The following HCLS1 variants were observed in gnomAD, a reference collection of about 807,000 sequenced individuals.
HCLS1 encodes the protein hematopoietic lineage cell-specific protein.
In HCLS1, 44 loss-of-function variants were observed where a neutral mutation model predicts 68.6. The ratio of observed to expected loss-of-function variants is 0.64; its 90% confidence interval spans 0.50 to 0.82. The LOEUF is 0.82. HCLS1 is among the 40% of genes least tolerant of loss of function. HCLS1 has a pLI of 0.00. For missense variants in HCLS1, 602 were observed against 612.1 expected, an observed-to-expected ratio of 0.98 and a Z score of 0.17; for synonymous variants, 217 against 225.8, an observed-to-expected ratio of 0.96 and a Z score of 0.35.
chr3:121,634,353 C>T lies in HCLS1; in HGVS notation c.757G>A (p.Glu253Lys), dbSNP rs1271435777. The T allele has an allele frequency of 1.2e-6, 2 of 1,614,174 alleles. No individual in the cohort carries two copies. The highest frequency in any genetic ancestry group is 1.7e-5 in the Admixed American group (1 of 60,030). ...ACCTGCTGTGCCTTCTCCTCTTCCT[C>T]TCGCTTCCTCTTCTCCTCAGCCATG... ...ESMAEEKRKR[E>K]EEEKAQQVAR... Residue 253 changes from glutamate (E) to lysine (K), a missense_variant, in exon 10 of 14, where the codon GAG (glutamate) becomes AAG (lysine). Coordinates refer to ENST00000314583, the MANE Select transcript of HCLS1 (RefSeq NM_005335.6).
intron 4 of HCLS1, 48 bp downstream of exon 4, chr3:121,647,271 G>A (rs778822064): frequency 1.4e-5 from 23 of 1,600,944 alleles, no homozygotes; most frequent in Middle Eastern, 3.3e-4. Flanking sequence ...GTGAGCCACC[G>A]CACCCGGCTT....
At chr3:121,641,155 A>G (rs2107465484) in intron 6 of HCLS1, among the ~76,000 whole-genome samples, 1 of 152,276 alleles carries the variant, frequency 6.6e-6, no homozygotes, top group East Asian at 1.9e-4. Context: ...ACATTCAGAC[A>G]CACCCTAATA....
In HCLS1 at chr3:121,637,179, TG is replaced by T. The variant is rs2049157580; in HGVS notation, c.531del (p.Tyr177Ter). On this transcript the variant is annotated frameshift_variant, in exon 7 of 14. Coordinates refer to ENST00000314583, the MANE Select transcript of HCLS1 (RefSeq NM_005335.6). LOFTEE classifies it high-confidence loss of function. ...KWDKAALGYD[Y>X]KGETEKHESQ... ...GACTCGTGTTTCTCCGTCTCTCCCT[TG>T]TAGTCATATCCCAGAGCTGCTTTGT... The T allele has an allele frequency of 6.2e-7, 1 of 1,613,668 alleles. No individual in the cohort carries two copies. The highest frequency in any genetic ancestry group is 1.1e-5 in the South Asian group (1 of 91,048).
chr3:121,634,316 T>A lies in HCLS1; in HGVS notation c.794A>T (p.Gln265Leu). Reference sequence around the variant, plus strand: ...CTTTGTCACAGCCTTTCGCTCCTGTTGCCTCCTGGCCACCTGCTGTGCCTT... The same window carrying A: ...CTTTGTCACAGCCTTTCGCTCCTGTAGCCTCCTGGCCACCTGCTGTGCCTT... ...EEKAQQVARR[Q>L]QERKAVTKRS... The change falls in exon 10 of 14, where the codon CAA becomes CTA. Residue 265 changes from glutamine (Q) to leucine (L), a missense_variant. Transcript: ENST00000314583. The A allele has an allele frequency of 6.2e-7, 1 of 1,614,192 alleles. No individual in the cohort carries two copies.
At chr3:121,637,596 A>G (rs373343888) in intron 6 of HCLS1, among the ~76,000 whole-genome samples, 1 of 152,134 alleles carries the variant, frequency 6.6e-6, no homozygotes, top group African/African-American at 2.4e-5. Context: ...CTACTCCCAT[A>G]TAAGCACATA....
intron 11 of HCLS1, among the ~76,000 whole-genome samples, 182 bp from the exon 12 acceptor site, chr3:121,632,745 C>T (rs1271159265): frequency 2.0e-5 from 3 of 151,750 alleles, no homozygotes; most frequent in Non-Finnish European, 2.9e-5. Context: ...TCTCCTCCCA[C>T]ACCCACCCAC....
chr3:121,648,312 A>G lies in HCLS1; in HGVS notation c.159-864T>C, dbSNP rs148967407. Among the ~76,000 whole-genome samples the G allele has an allele frequency of 2.4e-3, 362 of 152,316 alleles. 6 individuals are homozygous for G. Among genetic ancestry groups the G allele is most frequent in the East Asian group, 1.9e-3 (10 of 5,190 alleles). On this transcript the variant is annotated intron_variant, in intron 3 of 13. Coordinates refer to ENST00000314583, the MANE Select transcript of HCLS1 (RefSeq NM_005335.6). ...AGAAAGTACCACCAAAAAAGGCATTATCTTTCTTACTTCACACCCACTTCC... is the reference window on the plus strand; with the variant it reads ...AGAAAGTACCACCAAAAAAGGCATTGTCTTTCTTACTTCACACCCACTTCC...
In HCLS1 at chr3:121,644,855, C is replaced by T. The variant is rs1283882757; in HGVS notation, c.362G>A (p.Gly121Glu). Residue 121 changes from glycine (G) to glutamate (E), a missense_variant, in exon 5 of 14, where the codon GGG becomes GAG. Gly to Glu is a moderately conservative substitution (Grantham distance 98). Coordinates refer to ENST00000314583, the MANE Select transcript of HCLS1 (RefSeq NM_005335.6). ...SSQTDAAKGFGGKYGVERDRA... is the reference protein window; with the variant it reads ...SSQTDAAKGFEGKYGVERDRA... ...GTCCCTCTCAACTCCGTACTTGCCC[C>T]CAAAGCCTTTGGCAGCATCCGTCTG... 1.2e-6 allele frequency: 2 copies of T among 1,614,120 alleles called. No individual in the cohort carries two copies. Among genetic ancestry groups the T allele is most frequent in the Non-Finnish European group, 1.7e-6 (2 of 1,180,012 alleles).
chr3:121,632,454 T>C lies in HCLS1; in HGVS notation c.1118A>G (p.Glu373Gly). ...AACGTCCTCATAGTCATTCTCAGGC[T>C]CGGGCTCAGGCTCGGGCTCAGGCTC... is the stretch of plus-strand genomic sequence containing the variant. ...EPEPEPEPEPEPENDYEDVEE... is the reference protein window; with the variant it reads ...EPEPEPEPEPGPENDYEDVEE... Residue 373 changes from glutamate to glycine, a missense_variant, in exon 12 of 14, where the codon GAG (glutamate) becomes GGG (glycine). Glu to Gly is a moderately conservative substitution (Grantham distance 98, BLOSUM62 -2). Transcript: ENST00000314583. 6.2e-7 allele frequency: 1 copy of C among 1,612,828 alleles called. No homozygotes were observed. Among genetic ancestry groups the C allele is most frequent in the Non-Finnish European group, 8.5e-7 (1 of 1,179,102 alleles).
intron 5 of HCLS1, 98 bp from the exon 6 acceptor site, chr3:121,643,079 G>T: frequency 1.1e-6 from 1 of 920,588 alleles, no homozygotes; most frequent in Non-Finnish European, 1.8e-6. Flanking sequence ...GAGGTAGTTT[G>T]TAGGGGCTTC....
chr3:121,634,305 T>G lies in HCLS1; in HGVS notation c.805A>C (p.Lys269Gln), dbSNP rs142437444. Residue 269 changes from lysine to glutamine, a missense_variant, in exon 10 of 14, where the codon AAG becomes CAG. Coordinates refer to ENST00000314583, the MANE Select transcript of HCLS1 (RefSeq NM_005335.6). ...TCAGGGCTCCTCTTTGTCACAGCCT[T>G]TCGCTCCTGTTGCCTCCTGGCCACC... is the stretch of plus-strand genomic sequence containing the variant. ...QQVARRQQERKAVTKRSPEAP... is the reference protein window; with the variant it reads ...QQVARRQQERQAVTKRSPEAP... 109 of 1,614,200 alleles carry G rather than the reference T, an allele frequency of 6.8e-5. No homozygotes were observed. The African/African-American group carries it at 1.4e-3, about 20-fold the overall frequency.
At chr3:121,633,257 C>A in intron 10 of HCLS1, 86 bp from the exon 11 acceptor site, 1 of 880,298 alleles carries the variant, frequency 1.1e-6, no homozygotes, top group Non-Finnish European at 1.8e-6. Flanking sequence ...GCTCTGTAGC[C>A]CAGGCTGGAG....
At position 121,631,780 on chromosome 3, in the gene HCLS1, G is replaced by T. The variant is rs2049099759; in HGVS notation, c.*66C>A. 1 of 1,552,922 alleles carries T rather than the reference G, an allele frequency of 6.4e-7. No individual in the cohort carries two copies. Among genetic ancestry groups the T allele is most frequent in the South Asian group, 1.1e-5 (1 of 87,906 alleles). On this transcript the variant is annotated 3_prime_UTR_variant, in exon 14 of 14. Coordinates refer to ENST00000314583, the MANE Select transcript of HCLS1 (RefSeq NM_005335.6). ...GTTAGACATTTGCAGCAGGAATAGGGAGGGGGTGGAGGCAGAGCCACTTTG... is the reference window on the plus strand; with the variant it reads ...GTTAGACATTTGCAGCAGGAATAGGTAGGGGGTGGAGGCAGAGCCACTTTG...
Position 121,659,095 on chromosome 3 carries a change from AAAG to A in HCLS1, c.1-751_1-749del, listed in dbSNP as rs1937934889. On this transcript the variant is annotated intron_variant, in intron 1 of 13. Transcript: ENST00000314583. ...TTGACAATTTACCGTAGAAAAGAAAAAAGAATAATATGTAATAAATCTGATTTT... is the reference window on the plus strand; with the variant it reads ...TTGACAATTTACCGTAGAAAAGAAAAAATAATATGTAATAAATCTGATTTT... Among the ~76,000 whole-genome samples the A allele has an allele frequency of 2.0e-5, 3 of 152,240 alleles. No individual in the cohort carries two copies. In the South Asian group the frequency reaches 6.2e-4, roughly 31 times the overall value.
chr3:121,646,153 TATATA>T (rs2049245360), intron 4 of HCLS1, among the ~76,000 whole-genome samples: 2 of 114,648 alleles, frequency 1.7e-5, no homozygotes, highest in South Asian at 5.4e-4. Context: ...TATAAGTATA[TATATA>T]ATATATCTTA....
intron 3 of HCLS1, among the ~76,000 whole-genome samples, chr3:121,653,206 C>A (rs560426840): frequency 6.6e-6 from 1 of 152,186 alleles, no homozygotes; most frequent in African/African-American, 2.4e-5. Context: ...GCTGAAAAAA[C>A]TGTTGTGCAC....
intron 1 of HCLS1, among the ~76,000 whole-genome samples, chr3:121,659,741 C>T (rs939919520): frequency 1.2e-4 from 18 of 151,408 alleles, no homozygotes; most frequent in Non-Finnish European, 2.4e-4. Flanking sequence ...TGCTTCTCAT[C>T]CCCTGGCTCC....
intron 9 of HCLS1, among the ~76,000 whole-genome samples, chr3:121,634,699 A>C (rs2049132761): frequency 6.6e-6 from 1 of 151,860 alleles, no homozygotes; most frequent in Non-Finnish European, 1.5e-5. Context: ...TGGTGCAGTC[A>C]TGGGACACTG....
chr3:121,645,089 T>C (rs1028676050), intron 4 of HCLS1, among the ~76,000 whole-genome samples, 161 bp from the exon 5 acceptor site: 5 of 152,186 alleles, frequency 3.3e-5, no homozygotes, highest in African/African-American at 2.4e-5. Context: ...GAGAGCAAGA[T>C]GACTTTTTCT....
Sources: gnomAD v4.1 joint callset for allele counts (sites outside exome capture counted in the v4.1 genomes callset) on GRCh38, gnomAD v4.1.1 for gene constraint, MANE v1.5 for transcripts, NCBI Gene and HGNC (gene_info 2026-07-23, HGNC 2026-07-21) for gene names.